RUNDC3B: variants seen among roughly 807,000 people sequenced by gnomAD.
The protein encoded by RUNDC3B is RUN domain containing 3B.
RUNDC3B carries 33 observed loss-of-function variants against 58.4 expected under a neutral mutation model. The ratio of observed to expected loss-of-function variants is 0.56; its 90% CI spans 0.43 to 0.75. RUNDC3B has a LOEUF of 0.75. RUNDC3B is among the 30% of genes least tolerant of loss of function. The pLI, the probability that RUNDC3B is intolerant of heterozygous loss-of-function variation, is 0.00. For missense variants in RUNDC3B, 501 were observed against 535.7 expected (o/e 0.94, Z 0.64); for synonymous variants, 193 against 195.2 (o/e 0.99, Z 0.10).
intron 2 of RUNDC3B, among the ~76,000 whole-genome samples, chr7:87,694,351 T>C (rs1039053169): frequency 1.3e-5 from 2 of 152,274 alleles, no homozygotes; most frequent in East Asian, 1.9e-4. Flanking sequence ...CTTAGTTTCC[T>C]TTCTCCCAGG....
At chr7:87,829,028 A>G (rs537195191) in intron 10 of RUNDC3B, among the ~76,000 whole-genome samples, 1 of 152,186 alleles carries the variant, frequency 6.6e-6, no homozygotes, top group Non-Finnish European at 1.5e-5. Context: ...CTGGTGTGAG[A>G]TGGTATCTCA....
chr7:87,677,849 G>A (rs1057508552), intron 2 of RUNDC3B, among the ~76,000 whole-genome samples: 4 of 152,154 alleles, frequency 2.6e-5, no homozygotes, highest in African/African-American at 7.2e-5. Flanking sequence ...TGAATGCAGG[G>A]TTTTCAACAG....
chr7:87,765,883 T>C (rs1833950966), intron 6 of RUNDC3B, among the ~76,000 whole-genome samples: 1 of 152,110 alleles, frequency 6.6e-6, no homozygotes, highest in African/African-American at 2.4e-5. Flanking sequence ...TCTAGTGCTA[T>C]TAGTAGAGTG....
intron 1 of RUNDC3B, among the ~76,000 whole-genome samples, chr7:87,636,294 G>A (rs1484542568): frequency 6.6e-6 from 1 of 152,138 alleles, no homozygotes; most frequent in Admixed American, 6.5e-5. Flanking sequence ...GTGTCACATG[G>A]TGGTTTTAGT....
chr7:87,778,038 C>T, intron 8 of RUNDC3B, 83 bp downstream of exon 8: 2 of 1,167,016 alleles, frequency 1.7e-6, no homozygotes, highest in Non-Finnish European at 2.4e-6. Context: ...GAGGCAAATT[C>T]CAAGAAATCT....
In RUNDC3B at chr7:87,628,953, A is replaced by G; in HGVS notation, c.122+8A>G. ...CCTGATCACCGTGTGCAGGTACGGC[A>G]GCGCAGGGCGAGGGGAACCAGCCTC... is the stretch of plus-strand genomic sequence containing the variant. On this transcript the variant is annotated splice_region_variant and intron_variant, in intron 1 of 10. Coordinates refer to ENST00000394654, the MANE Select transcript of RUNDC3B (RefSeq NM_001134405.2). 1 of 1,309,164 alleles carries G rather than the reference A, an allele frequency of 7.6e-7. No individual in the cohort carries two copies. The highest frequency in any genetic ancestry group is 9.8e-7 in the Non-Finnish European group (1 of 1,020,282). The allele number at this position is 1,309,164 out of a possible 1,614,324, so 81.1% of individuals were successfully genotyped here.
intron 8 of RUNDC3B, among the ~76,000 whole-genome samples, chr7:87,782,025 G>T (rs1834950832): frequency 6.6e-6 from 1 of 151,804 alleles, no homozygotes; most frequent in Admixed American, 6.6e-5. Flanking sequence ...CATCCTCCTT[G>T]GTATTTTGGA....
rs57009840 is a variant in RUNDC3B at position 87,677,274 on chromosome 7, A to AACACACAC, written c.239-23118_239-23111dup. Among the ~76,000 whole-genome samples, 393 of 135,878 alleles carry AACACACAC rather than the reference A, an allele frequency of 2.9e-3. 1 individual carries two copies. Among genetic ancestry groups the AACACACAC allele is most frequent in the African/African-American group, 0.011 (377 of 35,434 alleles). The allele number at this position is 135,878 out of a possible 152,430, so 89.1% of individuals were successfully genotyped here. A position where few individuals can be genotyped will look rare whatever the true frequency, so the allele number is the denominator to read the frequency against. On this transcript the variant is annotated intron_variant, in intron 2 of 10. Coordinates refer to ENST00000394654, the MANE Select transcript of RUNDC3B (RefSeq NM_001134405.2). ...TGGATTAATAAACTACAGTGTATAT[A>AACACACAC]ACACACACACACACACACACACACA...
chr7:87,703,885 CTTTTT>C, intron 3 of RUNDC3B, among the ~76,000 whole-genome samples: 12 of 60,286 alleles, frequency 2.0e-4, no homozygotes, highest in South Asian at 6.3e-4. Context: ...TCAGTTTTTT[CTTTTT>C]TTTTTTTTTT....
At chr7:87,828,589 G>A (rs1203409240) in intron 10 of RUNDC3B, among the ~76,000 whole-genome samples, 1 of 152,176 alleles carries the variant, frequency 6.6e-6, no homozygotes, top group Non-Finnish European at 1.5e-5. Flanking sequence ...AGTCCATGGT[G>A]TAGATGTACC....
At chr7:87,728,273 T>A (rs1466181040) in intron 4 of RUNDC3B, among the ~76,000 whole-genome samples, 1 of 152,128 alleles carries the variant, frequency 6.6e-6, no homozygotes, top group Admixed American at 6.6e-5. Flanking sequence ...TACCATAGAG[T>A]CAAAACACTT....
chr7:87,806,119 A>C (rs1836422243), intron 8 of RUNDC3B, among the ~76,000 whole-genome samples: 1 of 152,214 alleles, frequency 6.6e-6, no homozygotes, highest in Admixed American at 6.5e-5. Flanking sequence ...GGCCTATTTT[A>C]GTATTCCATC....
rs368969883 is a variant in RUNDC3B, at chr7:87,676,213, C to G, written c.239-24208C>G. ...CTATATTCCAGGCTGGGTGATAGAA[C>G]AAGACCCTGTCTAAACAAACAAACA... On this transcript the variant is annotated intron_variant, in intron 2 of 10. Coordinates refer to ENST00000394654, the MANE Select transcript of RUNDC3B (RefSeq NM_001134405.2). Among the ~76,000 whole-genome samples the G allele has an allele frequency of 2.6e-5, 4 of 152,190 alleles. No individual in the cohort carries two copies. In the East Asian group the frequency reaches 5.8e-4, roughly 22 times the overall value.
intron 9 of RUNDC3B, among the ~76,000 whole-genome samples, chr7:87,808,674 C>G (rs1467279384): frequency 6.6e-6 from 1 of 152,022 alleles, no homozygotes; most frequent in Non-Finnish European, 1.5e-5. Context: ...AAGGTACTGA[C>G]TTTTGATATT....
chr7:87,644,558 T>C (rs915703756), intron 1 of RUNDC3B, among the ~76,000 whole-genome samples: 15 of 152,224 alleles, frequency 9.9e-5, no homozygotes, highest in Non-Finnish European at 1.8e-4. Flanking sequence ...TGAAATGTGA[T>C]GATTCTAGAT....
At chr7:87,827,879 A>G (rs1029199275) in intron 10 of RUNDC3B, among the ~76,000 whole-genome samples, 1 of 152,220 alleles carries the variant, frequency 6.6e-6, no homozygotes, top group African/African-American at 2.4e-5. Flanking sequence ...TAAAGAAAAC[A>G]TAAGCTGGGT....
chr7:87,692,020 G>A lies in RUNDC3B; in HGVS notation c.239-8401G>A, dbSNP rs116669199. Among the ~76,000 whole-genome samples the A allele has an allele frequency of 4.5e-3, 692 of 152,190 alleles. 4 individuals are homozygous for A. The highest frequency in any genetic ancestry group is 0.016 in the African/African-American group (665 of 41,532). On this transcript the variant is annotated intron_variant, in intron 2 of 10. Coordinates refer to ENST00000394654, the MANE Select transcript of RUNDC3B (RefSeq NM_001134405.2). ...TTAACTTGTCTAGAATGGTTTAATCGTATTAAATTATAATTAAAGCAATTA... is the reference window on the plus strand; with the variant it reads ...TTAACTTGTCTAGAATGGTTTAATCATATTAAATTATAATTAAAGCAATTA...
intron 2 of RUNDC3B, among the ~76,000 whole-genome samples, chr7:87,660,071 G>A (rs1824532221): frequency 1.3e-5 from 2 of 152,036 alleles, no homozygotes; most frequent in South Asian, 4.1e-4. Context: ...TCTGTTTTGT[G>A]CTTTTTTGGG....
chr7:87,777,660 T>G, intron 7 of RUNDC3B, 138 bp from the exon 8 acceptor site: 2 of 599,536 alleles, frequency 3.3e-6, no homozygotes. Flanking sequence ...ACAAATTTTT[T>G]ACTAATTTAT....
Sources: gnomAD v4.1 joint callset for allele counts (sites outside exome capture counted in the v4.1 genomes callset) on GRCh38, gnomAD v4.1.1 for gene constraint, MANE v1.5 for transcripts, NCBI Gene and HGNC (gene_info 2026-07-23, HGNC 2026-07-21) for gene names.